The following GRM7 variants were observed in gnomAD, a reference collection of about 807,000 sequenced individuals.
The protein encoded by GRM7 is metabotropic glutamate receptor 7.
In GRM7, 35 loss-of-function variants were observed where a neutral mutation model predicts 84.5. The ratio of observed to expected loss-of-function variants is 0.41; its 90% CI spans 0.32 to 0.55. The LOEUF (loss-of-function observed/expected upper bound fraction) is 0.55, where lower values mean the gene tolerates loss of function less well. Among genes scored for constraint, GRM7 ranks in the 20% least tolerant of loss-of-function variants. The pLI is 0.19. For missense variants in GRM7, 1,003 were observed against 1,194.6 expected, an observed-to-expected ratio of 0.84 and a Z score of 2.36; for synonymous variants, 487 against 455.1, an observed-to-expected ratio of 1.07 and a Z score of -0.89.
At chr3:7,222,269 T>C (rs1196162239) in intron 2 of GRM7, among the ~76,000 whole-genome samples, 1 of 152,040 alleles carries the variant, frequency 6.6e-6, no homozygotes, top group African/African-American at 2.4e-5. Flanking sequence ...CACTGATCAT[T>C]GAATCAAACA....
intron 3 of GRM7, among the ~76,000 whole-genome samples, chr3:7,299,682 T>A (rs1157442079): frequency 6.6e-6 from 1 of 152,168 alleles, no homozygotes; most frequent in Non-Finnish European, 1.5e-5. Context: ...TGTGCATTCC[T>A]GTTCAGCATT....
At position 7,151,628 on chromosome 3, in the gene GRM7, G is replaced by A. The variant is rs913910687; in HGVS notation, c.736+4960G>A. Among the ~76,000 whole-genome samples, 1 of 152,058 alleles carries A rather than the reference G, an allele frequency of 6.6e-6. No homozygotes were observed. The highest frequency in any genetic ancestry group is 1.5e-5 in the Non-Finnish European group (1 of 68,024). On this transcript the variant is annotated intron_variant, in intron 2 of 9. Transcript: ENST00000357716. This position sits in a 1 kb window ranked among gnomAD's most constrained non-coding sequence, Gnocchi z 4.5. ...TTTCTATTATCTAAGATAATTCCTA[G>A]TACATAGAAAGCAGTCAATCATTAT...
At chr3:7,440,366 G>T (rs1559323560) in intron 5 of GRM7, among the ~76,000 whole-genome samples, 1 of 152,136 alleles carries the variant, frequency 6.6e-6, no homozygotes, top group Non-Finnish European at 1.5e-5. Flanking sequence ...ACAGCATCTA[G>T]TCACACAGAG....
At chr3:6,876,525 C>G (rs1695310355) in intron 1 of GRM7, among the ~76,000 whole-genome samples, 1 of 151,446 alleles carries the variant, frequency 6.6e-6, no homozygotes, top group African/African-American at 2.4e-5. Flanking sequence ...CCTATATACT[C>G]ATGTTAAAAT....
At chr3:7,489,521 G>A (rs1699445764) in intron 7 of GRM7, among the ~76,000 whole-genome samples, 1 of 152,146 alleles carries the variant, frequency 6.6e-6, no homozygotes, top group Non-Finnish European at 1.5e-5. Flanking sequence ...ATCCTGCATT[G>A]TAAAGCCATG....
At chr3:7,241,037 G>C (rs1051377798) in intron 2 of GRM7, among the ~76,000 whole-genome samples, 5 of 152,106 alleles carry the variant, frequency 3.3e-5, no homozygotes, top group African/African-American at 1.2e-4. Flanking sequence ...TATGATGTTT[G>C]ACAAAATCCC....
intron 1 of GRM7, among the ~76,000 whole-genome samples, chr3:7,108,868 T>G (rs967395079): frequency 6.6e-6 from 1 of 152,110 alleles, no homozygotes; most frequent in African/African-American, 2.4e-5. Flanking sequence ...AGTTTCCAAT[T>G]TTCTCCTGTG....
intron 7 of GRM7, among the ~76,000 whole-genome samples, chr3:7,469,359 G>A (rs752850134): frequency 6.6e-6 from 1 of 152,162 alleles, no homozygotes; most frequent in Non-Finnish European, 1.5e-5. Flanking sequence ...TTATGTTAAG[G>A]CCAGTCAGAA....
chr3:7,440,570 G>A (rs891737303), intron 5 of GRM7, among the ~76,000 whole-genome samples: 11 of 152,120 alleles, frequency 7.2e-5, no homozygotes, highest in Admixed American at 2.6e-4. Context: ...ATTGAGTGTC[G>A]TCGGGGCTTG....
At chr3:6,997,719 C>G (rs937701689) in intron 1 of GRM7, among the ~76,000 whole-genome samples, 2 of 152,286 alleles carry the variant, frequency 1.3e-5, no homozygotes, top group African/African-American at 4.8e-5. Context: ...AAAACACAAA[C>G]ACACCTTCCC....
chr3:7,011,639 A>G (rs1007225143), intron 1 of GRM7, among the ~76,000 whole-genome samples: 1 of 152,212 alleles, frequency 6.6e-6, no homozygotes, highest in Non-Finnish European at 1.5e-5. Context: ...AATCTGTTTT[A>G]TCTGAAATGG....
chr3:7,425,419 A>G (rs1022028963), intron 5 of GRM7, among the ~76,000 whole-genome samples: 1 of 152,240 alleles, frequency 6.6e-6, no homozygotes, highest in African/African-American at 2.4e-5. Context: ...AGCCCTGACT[A>G]TAAAATTCTC....
chr3:7,491,199 A>G (rs1354269531), intron 7 of GRM7, among the ~76,000 whole-genome samples: 1 of 151,976 alleles, frequency 6.6e-6, no homozygotes, highest in Non-Finnish European at 1.5e-5. Flanking sequence ...TATATTAGGT[A>G]TTCAGTTAAA....
At chr3:7,351,355 A>C (rs1028206139) in intron 4 of GRM7, among the ~76,000 whole-genome samples, 1 of 150,826 alleles carries the variant, frequency 6.6e-6, no homozygotes. Context: ...AAAAAAAAAA[A>C]AAAAAAAACA....
chr3:7,379,324 C>T (rs918065744), intron 4 of GRM7, among the ~76,000 whole-genome samples: 6 of 152,072 alleles, frequency 3.9e-5, no homozygotes, highest in African/African-American at 1.4e-4. Flanking sequence ...AACTCCTGAG[C>T]ACAGGCACTT....
chr3:7,527,845 T>A (rs1181032918), intron 7 of GRM7, among the ~76,000 whole-genome samples: 3 of 152,096 alleles, frequency 2.0e-5, no homozygotes, highest in African/African-American at 7.2e-5. Context: ...TTGTGTATGT[T>A]GAAGTAAACT....
chr3:7,645,972 C>G (rs575489397), intron 8 of GRM7, among the ~76,000 whole-genome samples: 2 of 152,290 alleles, frequency 1.3e-5, no homozygotes, highest in African/African-American at 2.4e-5. Context: ...GGACTTTTTG[C>G]TAAGCCCTCA....
chr3:7,453,638 C>T (rs551297516), intron 6 of GRM7, among the ~76,000 whole-genome samples: 1 of 152,108 alleles, frequency 6.6e-6, no homozygotes, highest in Non-Finnish European at 1.5e-5. Context: ...GTGCTGGCCT[C>T]CCCTGCACAA....
intron 1 of GRM7, among the ~76,000 whole-genome samples, chr3:7,063,602 C>A (rs1697510551): frequency 6.6e-6 from 1 of 151,718 alleles, no homozygotes; most frequent in African/African-American, 2.4e-5. Flanking sequence ...TAATTACTTT[C>A]TTTTACATGA....
Sources: gnomAD v4.1 joint callset for allele counts (sites outside exome capture counted in the v4.1 genomes callset) on GRCh38, gnomAD v4.1.1 for gene constraint, Gnocchi (gnomAD v3.1) non-coding constraint, MANE v1.5 for transcripts, NCBI Gene and HGNC (gene_info 2026-07-23, HGNC 2026-07-21) for gene names.